Variants in SPG11 observed in about 807,000 individuals in gnomAD.
The protein encoded by SPG11 is SPG11 vesicle trafficking associated, spatacsin.
SPG11 carries 222 observed loss-of-function variants against 274.0 expected under a neutral mutation model. That is an observed-to-expected ratio of 0.81 (90% CI 0.73 to 0.91). The LOEUF (loss-of-function observed/expected upper bound fraction) is 0.91. Among genes scored for constraint, SPG11 ranks in the 40% least tolerant of loss-of-function variants. SPG11 has a pLI of 0.00. For missense variants in SPG11, 3,114 were observed against 2,872.7 expected (o/e 1.08, Z -1.92); for synonymous variants, 1,144 against 1,039.7 (o/e 1.10, Z -1.93).
intron 10 of SPG11, among the ~76,000 whole-genome samples, chr15:44,627,482 A>T (rs2083935276): frequency 6.6e-6 from 1 of 152,204 alleles, no homozygotes; most frequent in Admixed American, 6.5e-5. Flanking sequence ...TTTTGAGTAA[A>T]AAGAGGACCA....
intron 10 of SPG11, among the ~76,000 whole-genome samples, chr15:44,626,970 C>A (rs1166835147): frequency 6.6e-6 from 1 of 152,166 alleles, no homozygotes; most frequent in Non-Finnish European, 1.5e-5. Flanking sequence ...AGAAAAGAAA[C>A]TGCATCAAGC....
chr15:44,594,536 A>G (rs534128581), intron 26 of SPG11, among the ~76,000 whole-genome samples: 1 of 151,380 alleles, frequency 6.6e-6, no homozygotes, highest in East Asian at 2.0e-4. Context: ...ACTGAGCCCA[A>G]GAGTTCAAGA....
At chr15:44,609,899 T>TA (rs1219607028) in intron 18 of SPG11, among the ~76,000 whole-genome samples, 1 of 139,544 alleles carries the variant, frequency 7.2e-6, no homozygotes. Context: ...CAGCTAATTT[T>TA]TTTTTTTTTT....
chr15:44,625,561 C>A (rs564038266), intron 11 of SPG11, among the ~76,000 whole-genome samples: 1 of 152,298 alleles, frequency 6.6e-6, no homozygotes, highest in South Asian at 2.1e-4. Context: ...CATCTTCTGC[C>A]ATGACTGTAA....
At chr15:44,648,589 T>C (rs2084671813) in intron 7 of SPG11, among the ~76,000 whole-genome samples, 1 of 152,102 alleles carries the variant, frequency 6.6e-6, no homozygotes. Context: ...TTCCATAGCT[T>C]ATTTCCACTT....
Position 44,657,160 on chromosome 15 carries a change from G to T in SPG11, c.804C>A (p.Leu268=). The T allele has an allele frequency of 6.2e-7, 1 of 1,614,188 alleles. No individual in the cohort carries two copies. The highest frequency in any genetic ancestry group is 8.5e-7 in the Non-Finnish European group (1 of 1,180,026). The part of the protein sequence containing the change: ...SFTSLKVSQD[L]DVAVIVSSSN... The stretch of plus-strand genomic sequence containing the variant: ...AGGAGCTGACAATCACTGCAACATC[G>T]AGGTCTTGAGAAACTTTCAGTGAAG... The change falls in exon 4 of 40, where the codon CTC becomes CTA. Residue 268 remains leucine (L), a synonymous_variant. Coordinates refer to ENST00000261866, the MANE Select transcript of SPG11 (RefSeq NM_025137.4).
chr15:44,600,519 A>C lies in SPG11; in HGVS notation c.3634T>G (p.Phe1212Val). Residue 1212 changes from phenylalanine (F) to valine (V), a missense_variant, in exon 21 of 40, where the codon TTT becomes GTT. Transcript: ENST00000261866. ...AATTCCTGGACCAGAAAAGTACCAA[A>C]TGCAAATGATGGCCGCCCATTATGT... ...YLHNGRPSFA[F>V]GTFLVQELIK... 1 of 1,614,204 alleles carries C rather than the reference A, an allele frequency of 6.2e-7. No individual in the cohort carries two copies. Among genetic ancestry groups the C allele is most frequent in the Non-Finnish European group, 8.5e-7 (1 of 1,180,038 alleles).
In SPG11 at chr15:44,592,443, G is replaced by T; in HGVS notation, c.4636-5C>A. On this transcript the variant is annotated splice_region_variant and splice_polypyrimidine_tract_variant and intron_variant, in intron 26 of 39. Transcript: ENST00000261866. Reference sequence around the variant, plus strand: ...CACCAGTAGTAACGGGGAATCCTTTGACAAAGAGTTTGAAAAAAATTACAA... The same window carrying T: ...CACCAGTAGTAACGGGGAATCCTTTTACAAAGAGTTTGAAAAAAATTACAA... The T allele has an allele frequency of 6.5e-7, 1 of 1,545,414 alleles. No homozygotes were observed. The highest frequency in any genetic ancestry group is 1.1e-5 in the South Asian group (1 of 89,662).
In SPG11 at chr15:44,613,528, G is replaced by C. The variant is rs750846207; in HGVS notation, c.3047C>G (p.Pro1016Arg). 1 of 1,609,566 alleles carries C rather than the reference G, an allele frequency of 6.2e-7. No individual in the cohort carries two copies. Among genetic ancestry groups the C allele is most frequent in the Admixed American group, 1.7e-5 (1 of 59,978 alleles). ...TTTTTCCAAAAAGGGACAATTTTCA[G>C]GACTAAGTCTGTATATAAAACAAAC... is the stretch of plus-strand genomic sequence containing the variant. Reference protein sequence around the residue: ...YVYLDCYKLSPENCPFLEKKE... With the variant: ...YVYLDCYKLSRENCPFLEKKE... Residue 1016 changes from proline to arginine, a missense_variant, in exon 17 of 40, where the codon CCT becomes CGT. Coordinates refer to ENST00000261866, the MANE Select transcript of SPG11 (RefSeq NM_025137.4).
chr15:44,652,041 A>G, intron 5 of SPG11, 88 bp downstream of exon 5: 1 of 1,576,610 alleles, frequency 6.3e-7, no homozygotes. Flanking sequence ...AAAAGTATCT[A>G]TCAAATAAAG....
chr15:44,626,847 G>T (rs114706749), intron 10 of SPG11, among the ~76,000 whole-genome samples: 3,664 of 151,776 alleles, frequency 0.024, 105 homozygotes, highest in Non-Finnish European at 0.031. Context: ...GCTAGTAGAA[G>T]TAACTAGTAA....
chr15:44,585,926 AG>A lies in SPG11; in HGVS notation c.4907-77del, dbSNP rs2082752787. ...CAGCATTTCAAGAGTAATACATATC[AG>A]GGGGAAAATATACGTGTTTAACATA... On this transcript the variant is annotated intron_variant, in intron 28 of 39. Coordinates refer to ENST00000261866, the MANE Select transcript of SPG11 (RefSeq NM_025137.4). The A allele has an allele frequency of 3.3e-6, 4 of 1,214,854 alleles. No homozygotes were observed. The African/African-American group carries it at 4.5e-5, about 14-fold the overall frequency. The allele number at this position is 1,214,854 out of a possible 1,614,324, so 75.3% of individuals were successfully genotyped here. A position where few individuals can be genotyped will look rare whatever the true frequency, so the allele number is the denominator to read the frequency against.
At chr15:44,661,232 C>T (rs987387924) in intron 1 of SPG11, among the ~76,000 whole-genome samples, 2 of 152,116 alleles carry the variant, frequency 1.3e-5, no homozygotes, top group African/African-American at 4.8e-5. Flanking sequence ...CTAATGACTA[C>T]CATTACTAAA....
chr15:44,605,954 G>T, intron 20 of SPG11, 71 bp downstream of exon 20: 2 of 1,246,568 alleles, frequency 1.6e-6, no homozygotes. Context: ...AACTAGATTG[G>T]CATTACATGT....
chr15:44,645,711 T>C (rs192871990), intron 7 of SPG11, among the ~76,000 whole-genome samples: 44 of 152,222 alleles, frequency 2.9e-4, no homozygotes, highest in Admixed American at 2.8e-3. Context: ...TTGCAAACCA[T>C]GCATCTGACA....
chr15:44,660,203 ATATTT>A (rs1217387462), intron 2 of SPG11, among the ~76,000 whole-genome samples: 16 of 152,192 alleles, frequency 1.1e-4, no homozygotes, highest in Admixed American at 2.0e-4. Flanking sequence ...AAAAATTGAG[ATATTT>A]TATTTTTAGT....
chr15:44,593,129 A>G (rs2082945735), intron 26 of SPG11, among the ~76,000 whole-genome samples: 1 of 152,166 alleles, frequency 6.6e-6, no homozygotes, highest in Non-Finnish European at 1.5e-5. Context: ...TGTCTACTCT[A>G]TACTTGGCCT....
chr15:44,612,481 C>T (rs185125155), intron 17 of SPG11, among the ~76,000 whole-genome samples: 1 of 151,464 alleles, frequency 6.6e-6, no homozygotes, highest in East Asian at 1.9e-4. Context: ...GTGACACAAT[C>T]TCTAATCCCT....
chr15:44,598,546 T>C (rs1007885453), intron 22 of SPG11, 85 bp downstream of exon 22: 3 of 1,410,560 alleles, frequency 2.1e-6, no homozygotes, highest in Non-Finnish European at 3.0e-6. Context: ...AGATAACCAT[T>C]TTCTCCCCAA....
Sources: allele counts gnomAD v4.1 joint callset (sites outside exome capture counted in the v4.1 genomes callset), GRCh38; gene constraint gnomAD v4.1.1; transcripts MANE v1.5; gene names NCBI Gene and HGNC (gene_info 2026-07-23, HGNC 2026-07-21).